PPP1R14C: variants seen among roughly 807,000 people sequenced by gnomAD.
The protein encoded by PPP1R14C is protein phosphatase 1 regulatory subunit 14C.
In PPP1R14C, 16 loss-of-function variants were observed where a neutral mutation model predicts 20.4. The ratio of observed to expected loss-of-function variants is 0.78; its 90% confidence interval spans 0.53 to 1.19. PPP1R14C has a LOEUF of 1.19. Ranked by LOEUF, PPP1R14C falls within the 50% of genes most tolerant of loss-of-function variation. The pLI is 0.00. For missense variants in PPP1R14C, 211 were observed against 220.1 expected (o/e 0.96, Z 0.26); for synonymous variants, 91 against 91.0 (o/e 1.00, Z 0.00).
At chr6:150,220,897 C>G (rs886137946) in intron 3 of PPP1R14C, among the ~76,000 whole-genome samples, 5 of 152,092 alleles carry the variant, frequency 3.3e-5, no homozygotes, top group African/African-American at 1.2e-4. Flanking sequence ...GGTTTCTATA[C>G]GGAGGGTCAG....
intron 3 of PPP1R14C, among the ~76,000 whole-genome samples, chr6:150,226,440 C>T (rs1778231115): frequency 6.6e-6 from 1 of 152,138 alleles, no homozygotes; most frequent in African/African-American, 2.4e-5. Flanking sequence ...GTCTGGAAGC[C>T]TGCTAGCCAG....
chr6:150,159,743 T>G (rs1777344433), intron 1 of PPP1R14C, among the ~76,000 whole-genome samples: 1 of 152,220 alleles, frequency 6.6e-6, no homozygotes, highest in African/African-American at 2.4e-5. Context: ...GCAACATATG[T>G]TAGAATTATA....
At chr6:150,210,787 C>T (rs1246982799) in intron 1 of PPP1R14C, among the ~76,000 whole-genome samples, 4 of 152,148 alleles carry the variant, frequency 2.6e-5, no homozygotes, top group Non-Finnish European at 5.9e-5. Context: ...GTGGGAATGG[C>T]GTGTTCCCTG....
At chr6:150,172,077 G>C (rs1355028878) in intron 1 of PPP1R14C, among the ~76,000 whole-genome samples, 1 of 152,130 alleles carries the variant, frequency 6.6e-6, no homozygotes, top group Non-Finnish European at 1.5e-5. Context: ...CAAAGTGCTG[G>C]GATTACAGGT....
intron 1 of PPP1R14C, among the ~76,000 whole-genome samples, chr6:150,198,370 T>C (rs1777835140): frequency 1.3e-5 from 2 of 152,168 alleles, no homozygotes; most frequent in African/African-American, 4.8e-5. Context: ...AGGGCCTGGA[T>C]GCCCGGCTTT....
chr6:150,177,381 G>T (rs1384581905), intron 1 of PPP1R14C, among the ~76,000 whole-genome samples: 3 of 152,324 alleles, frequency 2.0e-5, no homozygotes, highest in Admixed American at 6.5e-5. Context: ...ATATTGGGAA[G>T]GAAACTATCT....
At chr6:150,224,812 T>C (rs1778212440) in intron 3 of PPP1R14C, among the ~76,000 whole-genome samples, 1 of 152,198 alleles carries the variant, frequency 6.6e-6, no homozygotes, top group Non-Finnish European at 1.5e-5. Context: ...CTGTGTGTTA[T>C]AATTTTTTTT....
chr6:150,184,921 A>G (rs1369611532), intron 1 of PPP1R14C, among the ~76,000 whole-genome samples: 1 of 152,186 alleles, frequency 6.6e-6, no homozygotes, highest in East Asian at 1.9e-4. Context: ...TTGATCATGA[A>G]GTTATGGCTT....
intron 1 of PPP1R14C, among the ~76,000 whole-genome samples, chr6:150,179,425 A>AGAAGGGAGGGAGGGAG (rs1777596416): frequency 9.8e-6 from 1 of 102,046 alleles, no homozygotes; most frequent in African/African-American, 3.8e-5. Flanking sequence ...AGAGAAAGAA[A>AGAAGGGAGGGAGGGAG]GGAGGGAGGG....
chr6:150,171,207 C>T (rs1167795575), intron 1 of PPP1R14C, among the ~76,000 whole-genome samples: 1 of 152,214 alleles, frequency 6.6e-6, no homozygotes, highest in South Asian at 2.1e-4. Flanking sequence ...TGGTAGTTTA[C>T]AGAGGAGTTC....
intron 1 of PPP1R14C, among the ~76,000 whole-genome samples, chr6:150,191,165 C>T (rs530838241): frequency 6.6e-6 from 1 of 152,298 alleles, no homozygotes; most frequent in South Asian, 2.1e-4. Flanking sequence ...ACCTTCAGGA[C>T]CTTATCATAC....
At chr6:150,161,662 C>T (rs1777369457) in intron 1 of PPP1R14C, among the ~76,000 whole-genome samples, 1 of 117,078 alleles carries the variant, frequency 8.5e-6, no homozygotes, top group Admixed American at 8.8e-5. Context: ...TTAACTCAAT[C>T]CCTATGGGAA....
chr6:150,153,854 G>T (rs1347550971), intron 1 of PPP1R14C, among the ~76,000 whole-genome samples: 2 of 152,212 alleles, frequency 1.3e-5, no homozygotes, highest in Admixed American at 6.5e-5. Context: ...GCTGTGGAGG[G>T]CTGGAATATT....
chr6:150,243,402 T>C (rs1464653767), intron 3 of PPP1R14C, among the ~76,000 whole-genome samples: 1 of 152,068 alleles, frequency 6.6e-6, no homozygotes, highest in East Asian at 1.9e-4. Flanking sequence ...GGTCTTGAAC[T>C]CCTGACCTCA....
chr6:150,237,691 G>C (rs752022985), intron 3 of PPP1R14C, among the ~76,000 whole-genome samples: 5 of 152,108 alleles, frequency 3.3e-5, no homozygotes, highest in Non-Finnish European at 7.4e-5. Flanking sequence ...CTTGAGGTGA[G>C]GTCTTATTGT....
At chr6:150,224,918 A>T (rs1448020311) in intron 3 of PPP1R14C, among the ~76,000 whole-genome samples, 1 of 152,014 alleles carries the variant, frequency 6.6e-6, no homozygotes, top group Non-Finnish European at 1.5e-5. Context: ...AAGCATCCAT[A>T]GTCCTGTGAT....
In PPP1R14C at chr6:150,235,500, A is replaced by T. The variant is rs560498961; in HGVS notation, c.424-13246A>T. On this transcript the variant is annotated intron_variant, in intron 3 of 3. Transcript: ENST00000361131. ...AGATGCAGTTTATTGTTCTTAACTT[A>T]TTCCTCAATGAAGTTGATAACTTAA... 1.1e-4 allele frequency among the ~76,000 whole-genome samples: 16 copies of T among 152,320 alleles called. 1 individual carries two copies. In the South Asian group the frequency reaches 3.1e-3, roughly 30 times the overall value.
At chr6:150,246,198 G>C (rs917559680) in intron 3 of PPP1R14C, among the ~76,000 whole-genome samples, 1 of 151,654 alleles carries the variant, frequency 6.6e-6, no homozygotes, top group African/African-American at 2.4e-5. Context: ...TATTCCTTAT[G>C]TAATTTTAGT....
chr6:150,220,933 C>T (rs1159098010), intron 3 of PPP1R14C, among the ~76,000 whole-genome samples: 1 of 152,188 alleles, frequency 6.6e-6, no homozygotes, highest in East Asian at 1.9e-4. Flanking sequence ...ATTATTTGAA[C>T]ACTCTTCAGA....
Sources: allele counts gnomAD v4.1 joint callset (sites outside exome capture counted in the v4.1 genomes callset), GRCh38; gene constraint gnomAD v4.1.1; transcripts MANE v1.5; gene names NCBI Gene and HGNC (gene_info 2026-07-23, HGNC 2026-07-21).